Variants in RASSF4 observed in about 807,000 individuals in gnomAD.
RASSF4 encodes Ras association domain family member 4, also known as ras association domain-containing protein 4.
A neutral mutation model predicts 41.1 loss-of-function variants in RASSF4; 38 were observed. The ratio of observed to expected loss-of-function variants is 0.92; its 90% CI spans 0.71 to 1.21. The LOEUF is 1.21. RASSF4 is among the 50% of genes most tolerant of loss of function. The pLI, the probability that RASSF4 is intolerant of heterozygous loss-of-function variation, is 0.00. For synonymous variants in RASSF4, 179 were observed against 163.4 expected (o/e 1.10, Z -0.73); for missense variants, 414 against 419.4 (o/e 0.99, Z 0.11).
chr10:44,973,551 T>G (rs1841268908), intron 3 of RASSF4, among the ~76,000 whole-genome samples: 1 of 152,220 alleles, frequency 6.6e-6, no homozygotes, highest in African/African-American at 2.4e-5. Flanking sequence ...TGGTTAGATA[T>G]GCAAATTCCT....
chr10:44,991,951 T>C lies in RASSF4; in HGVS notation c.854T>C (p.Val285Ala), dbSNP rs770454119. 18 of 1,613,726 alleles carry C rather than the reference T, an allele frequency of 1.1e-5. No individual in the cohort carries two copies. Among genetic ancestry groups the C allele is most frequent in the Middle Eastern group, 1.6e-4 (1 of 6,062 alleles). ...GAAATGCCGGTGCTGGACAGTTTTG[T>C]TGAAAAATTAAAAGAAGAGGAAGAA... ...KFEMPVLDSF[V>A]EKLKEEEERE... The change falls in exon 10 of 11, where the codon GTT (valine) becomes GCT (alanine). Residue 285 changes from valine to alanine, a missense_variant. Coordinates refer to ENST00000340258, the MANE Select transcript of RASSF4 (RefSeq NM_032023.4).
chr10:44,969,898 T>C (rs1211434289), intron 1 of RASSF4, among the ~76,000 whole-genome samples: 2 of 152,234 alleles, frequency 1.3e-5, no homozygotes. Context: ...TGGATCTGGA[T>C]TCCTGGGGAT....
intron 3 of RASSF4, chr10:44,980,958 T>C (rs1588831338): frequency 6.6e-6 from 1 of 152,160 alleles, no homozygotes; most frequent in African/African-American, 2.4e-5. Flanking sequence ...TGGTTTCTGC[T>C]TGTTTGTTTT....
intron 1 of RASSF4, among the ~76,000 whole-genome samples, chr10:44,969,103 TG>T (rs1179636675): frequency 5.1e-5 from 5 of 97,676 alleles, no homozygotes; most frequent in Admixed American, 2.2e-4. Flanking sequence ...TGTATGCGTG[TG>T]TTTTTGTGTG....
At chr10:44,970,530 AT>A (rs1404915370) in intron 2 of RASSF4, 3 of 434,740 alleles carry the variant, frequency 6.9e-6, no homozygotes, top group African/African-American at 5.9e-5. Flanking sequence ...ACAGGGCCTC[AT>A]TATAACTTTT....
At chr10:44,991,321 G>A (rs1456623393) in intron 9 of RASSF4, 4 of 378,290 alleles carry the variant, frequency 1.1e-5, no homozygotes, top group Non-Finnish European at 1.9e-5. Flanking sequence ...TTTTCCTCTA[G>A]GGAAGTAAAG....
rs1841087960 is a variant in RASSF4, at chr10:44,970,130, C to A, written c.-38-35C>A. On this transcript the variant is annotated intron_variant, in intron 1 of 10. Transcript: ENST00000340258. ...GCTGCACTGGCCGGCACTCCTCTGG[C>A]TCACCTGTCTGTCCACCCTTCCTTG... 4 of 1,345,000 alleles carry A rather than the reference C, an allele frequency of 3.0e-6. No individual in the cohort carries two copies. In the African/African-American group the frequency reaches 4.3e-5, roughly 14 times the overall value. The allele number at this position is 1,345,000 out of a possible 1,614,324, so 83.3% of individuals were successfully genotyped here.
Position 44,994,477 on chromosome 10 carries a change from A to G in RASSF4, c.*1148A>G, listed in dbSNP as rs1450700262. On this transcript the variant is annotated 3_prime_UTR_variant, in exon 11 of 11. Transcript: ENST00000340258. ...GGCTTGCAAAGATAGGAGAGGCTCC[A>G]TCTCTAATGCATGTAGAAGCTCCTT... The G allele has an allele frequency of 2.0e-5, 3 of 152,692 alleles. No homozygotes were observed. The East Asian group carries it at 5.8e-4, about 29-fold the overall frequency. The allele number at this position is 152,692 out of a possible 1,614,324, so 9.5% of individuals were successfully genotyped here.
chr10:44,970,562 A>T, intron 2 of RASSF4: 1 of 357,184 alleles, frequency 2.8e-6, no homozygotes, highest in Non-Finnish European at 5.1e-6. Context: ...CATGTTGACA[A>T]ATAGTAATTT....
At chr10:44,986,424 A>T (rs933226491) in intron 6 of RASSF4, among the ~76,000 whole-genome samples, 1 of 152,224 alleles carries the variant, frequency 6.6e-6, no homozygotes, top group African/African-American at 2.4e-5. Context: ...CTCATTTCCA[A>T]CTGAACCACA....
chr10:44,985,907 G>A (rs1224812172), intron 6 of RASSF4, among the ~76,000 whole-genome samples: 2 of 152,166 alleles, frequency 1.3e-5, no homozygotes, highest in Non-Finnish European at 2.9e-5. Context: ...AAAAATCCAG[G>A]ACTATTCCAA....
At chr10:44,991,843 A>G in intron 9 of RASSF4, 62 bp from the exon 10 acceptor site, 3 of 1,198,970 alleles carry the variant, frequency 2.5e-6, no homozygotes, top group Non-Finnish European at 3.7e-6. Flanking sequence ...AGCCTTGAGG[A>G]AAAGAAAACA....
At chr10:44,969,078 G>A (rs1431574874) in intron 1 of RASSF4, among the ~76,000 whole-genome samples, 3 of 151,214 alleles carry the variant, frequency 2.0e-5, no homozygotes, top group Admixed American at 6.6e-5. Context: ...ATGTATGTGT[G>A]TGTGCATGTG....
intron 3 of RASSF4, 60 bp from the exon 4 acceptor site, chr10:44,982,461 G>T: frequency 6.9e-6 from 11 of 1,595,956 alleles, no homozygotes; most frequent in Non-Finnish European, 9.4e-6. Context: ...CCATCCCTAG[G>T]GGGCACAGGG....
chr10:44,975,423 C>T (rs1841369759), intron 3 of RASSF4, among the ~76,000 whole-genome samples: 1 of 148,660 alleles, frequency 6.7e-6, no homozygotes. Context: ...CTTCGCCTCC[C>T]ATCCCCACCT....
intron 3 of RASSF4, chr10:44,977,994 G>A: frequency 6.2e-7 from 1 of 1,611,554 alleles, no homozygotes; most frequent in African/African-American, 1.3e-5. Flanking sequence ...CGAATTGTGG[G>A]CAGATGGGCC....
intron 1 of RASSF4, among the ~76,000 whole-genome samples, chr10:44,960,607 AACCTG>A (rs1054146118): frequency 2.0e-5 from 3 of 152,190 alleles, no homozygotes; most frequent in African/African-American, 7.2e-5. Context: ...TGTTTTCATT[AACCTG>A]GCACGGCGGA....
chr10:44,989,793 C>A, intron 8 of RASSF4, 72 bp downstream of exon 8: 1 of 1,307,172 alleles, frequency 7.7e-7, no homozygotes, highest in Non-Finnish European at 1.1e-6. Flanking sequence ...CCCTCCCCAC[C>A]AACCACTGAC....
chr10:44,960,294 C>T (rs1840658887), intron 1 of RASSF4, among the ~76,000 whole-genome samples: 1 of 152,198 alleles, frequency 6.6e-6, no homozygotes, highest in Non-Finnish European at 1.5e-5. Context: ...GTAGAGGGCT[C>T]GCCTTGCTCT....
Sources: gnomAD v4.1 joint callset for allele counts (sites outside exome capture counted in the v4.1 genomes callset) on GRCh38, gnomAD v4.1.1 for gene constraint, MANE v1.5 for transcripts, NCBI Gene and HGNC (gene_info 2026-07-23, HGNC 2026-07-21) for gene names.